The following NRP1 variants were observed in gnomAD, a reference collection of about 807,000 sequenced individuals.
NRP1 encodes neuropilin 1.
Under a neutral mutation model 106.7 loss-of-function variants are expected in NRP1, and 35 were observed. The observed-to-expected ratio is 0.33, with a 90% CI of 0.25 to 0.43. The LOEUF is 0.43. NRP1 is among the 20% of genes least tolerant of loss of function. The pLI is 1.00. For missense variants in NRP1, 1,024 were observed against 1,170.4 expected (o/e 0.87, Z 1.83); for synonymous variants, 437 against 417.9 (o/e 1.05, Z -0.56).
Position 33,270,524 on chromosome 10 carries a change from AC to A in NRP1, c.430+150del, listed in dbSNP as rs1385998036. The stretch of plus-strand genomic sequence containing the variant: ...GTATTTTTAGTGGAGACTGGGTTTC[AC>A]CATGTTGGCCAGGCTGGTCTTGAAT... On this transcript the variant is annotated intron_variant, in intron 3 of 16. Transcript: ENST00000374867. 5 of 550,134 alleles carry A rather than the reference AC, an allele frequency of 9.1e-6. No individual in the cohort carries two copies. The Admixed American group carries it at 1.8e-4, about 20-fold the overall frequency. The allele number at this position is 550,134 out of a possible 1,614,324, so 34.1% of individuals were successfully genotyped here. A position where few individuals can be genotyped will look rare whatever the true frequency, so the allele number is the denominator to read the frequency against.
chr10:33,318,304 A>C (rs1847183967), intron 2 of NRP1, among the ~76,000 whole-genome samples: 1 of 152,192 alleles, frequency 6.6e-6, no homozygotes, highest in African/African-American at 2.4e-5. Context: ...ATCGGGACCC[A>C]GCCCATATGA....
intron 6 of NRP1, among the ~76,000 whole-genome samples, chr10:33,238,367 T>G (rs1040359850): frequency 2.0e-5 from 3 of 152,226 alleles, no homozygotes; most frequent in African/African-American, 7.2e-5. Flanking sequence ...GTTCATGAGT[T>G]CAGAGCATGA....
chr10:33,224,432 C>T (rs1247127670), intron 7 of NRP1, among the ~76,000 whole-genome samples: 4 of 151,930 alleles, frequency 2.6e-5, no homozygotes, highest in South Asian at 4.2e-4. Flanking sequence ...GGTCATGTTG[C>T]TATTTTCTTT....
In NRP1 at chr10:33,213,635, T is replaced by C. The variant is rs1388876452; in HGVS notation, c.1365A>G (p.Arg455=). 2 of 1,614,168 alleles carry C rather than the reference T, an allele frequency of 1.2e-6. No homozygotes were observed. Among genetic ancestry groups the C allele is most frequent in the East Asian group, 4.5e-5 (2 of 44,872 alleles). ...GGCGGATGTTTTCAGGCATCCAGTT[T>C]CTGTCCCCTTGGTTGGATGATGTGA... The part of the protein sequence containing the change: ...SQITSSNQGD[R]NWMPENIRLV... Residue 455 remains arginine (R), a synonymous_variant, in exon 9 of 17, where the codon AGA becomes AGG. Transcript: ENST00000374867.
chr10:33,263,870 G>A lies in NRP1; in HGVS notation c.434C>T (p.Pro145Leu). 2 of 1,595,164 alleles carry A rather than the reference G, an allele frequency of 1.3e-6. No individual in the cohort carries two copies. Among genetic ancestry groups the A allele is most frequent in the Non-Finnish European group, 8.6e-7 (1 of 1,163,034 alleles). Reference sequence around the variant, plus strand: ...TGTTGTGTAGTTCTGGGAACATTCAGGACCTATGAGTAGAAGAGAAAAAGG... The same window carrying A: ...TGTTGTGTAGTTCTGGGAACATTCAAGACCTATGAGTAGAAGAGAAAAAGG... ...SIRYEIFKRGPECSQNYTTPS... is the reference protein window; with the variant it reads ...SIRYEIFKRGLECSQNYTTPS... The change falls in exon 4 of 17, where the codon CCT becomes CTT. Residue 145 changes from proline (P) to leucine (L), a missense_variant. Pro to Leu is a moderately conservative substitution (Grantham distance 98). Around this residue, in one of 5 missense-constraint regions of NRP1, gnomAD observed 279 missense variants for 327.4 expected, o/e 0.85. Transcript: ENST00000374867.
chr10:33,246,607 C>CACACAT (rs1841449528), intron 6 of NRP1, among the ~76,000 whole-genome samples: 1 of 151,914 alleles, frequency 6.6e-6, no homozygotes, highest in Admixed American at 6.6e-5. Flanking sequence ...CACACACACA[C>CACACAT]ACAGAGCACA....
intron 8 of NRP1, among the ~76,000 whole-genome samples, chr10:33,219,711 A>C (rs1839074653): frequency 6.6e-6 from 1 of 152,048 alleles, no homozygotes; most frequent in Non-Finnish European, 1.5e-5. Flanking sequence ...TTTAGGTATA[A>C]AAAAAATTGT....
At chr10:33,302,202 A>G (rs2057312051) in intron 2 of NRP1, among the ~76,000 whole-genome samples, 1 of 152,214 alleles carries the variant, frequency 6.6e-6, no homozygotes, top group African/African-American at 2.4e-5. Context: ...AACTAGACGC[A>G]TTTTAATGTC....
chr10:33,242,504 T>G (rs917398111), intron 6 of NRP1, among the ~76,000 whole-genome samples: 3 of 152,236 alleles, frequency 2.0e-5, no homozygotes, highest in African/African-American at 7.2e-5. Flanking sequence ...AAATTCTGCA[T>G]GTTACACCCC....
chr10:33,318,981 T>C (rs1419183484), intron 2 of NRP1, among the ~76,000 whole-genome samples: 2 of 149,134 alleles, frequency 1.3e-5, no homozygotes, highest in Non-Finnish European at 3.0e-5. Flanking sequence ...AGTGGGGACT[T>C]AGAGAACTTT....
chr10:33,216,864 G>A (rs1005405833), intron 8 of NRP1, among the ~76,000 whole-genome samples: 1 of 152,044 alleles, frequency 6.6e-6, no homozygotes, highest in Non-Finnish European at 1.5e-5. Context: ...TTCATGCCCT[G>A]TTTTATACAT....
intron 11 of NRP1, among the ~76,000 whole-genome samples, chr10:33,200,154 T>C (rs909148189): frequency 2.6e-5 from 4 of 152,178 alleles, no homozygotes; most frequent in African/African-American, 9.7e-5. Flanking sequence ...CCAGTGGTCT[T>C]ATAGGAGAAA....
chr10:33,211,502 G>A (rs1481414572), intron 9 of NRP1: 1 of 152,238 alleles, frequency 6.6e-6, no homozygotes. Context: ...TAGCTGCACA[G>A]AGAGATAAAT....
intron 2 of NRP1, among the ~76,000 whole-genome samples, chr10:33,272,583 C>T (rs1418073509): frequency 6.6e-6 from 1 of 152,112 alleles, no homozygotes; most frequent in Non-Finnish European, 1.5e-5. Context: ...AAAATCCTAA[C>T]TAGCCTTTAT....
At chr10:33,193,605 C>CAAAAATAAG (rs1431079099) in intron 12 of NRP1, among the ~76,000 whole-genome samples, 1 of 152,176 alleles carries the variant, frequency 6.6e-6, no homozygotes, top group Non-Finnish European at 1.5e-5. Flanking sequence ...TCAAAAGAAT[C>CAAAAATAAG]CCTATGAACA....
intron 12 of NRP1, 68 bp downstream of exon 12, chr10:33,197,582 C>G: frequency 8.0e-7 from 1 of 1,248,002 alleles, no homozygotes; most frequent in Non-Finnish European, 1.1e-6. Context: ...AAACTGAAAG[C>G]GAGGAGCGCA....
chr10:33,204,433 T>C (rs1373377492), intron 10 of NRP1, among the ~76,000 whole-genome samples: 1 of 152,234 alleles, frequency 6.6e-6, no homozygotes, highest in East Asian at 1.9e-4. Context: ...AATTCTGGCC[T>C]GTATTTATTG....
rs1315579669 is a variant in NRP1 at position 33,202,988 on chromosome 10, T to C, written c.1767A>G (p.Thr589=). The part of the protein sequence containing the change: ...ELLGCEVEAP[T]AGPTTPNGNL... The stretch of plus-strand genomic sequence containing the variant: ...TCCCGTTGGGAGTGGTCGGTCCAGC[T>C]GTAGGGGCTGAAACAAGATCCAAGG... Residue 589 remains threonine (T), a synonymous_variant, in exon 11 of 17, where the codon ACA becomes ACG. Transcript: ENST00000374867. The C allele has an allele frequency of 6.2e-7, 1 of 1,612,314 alleles. No homozygotes were observed. Among genetic ancestry groups the C allele is most frequent in the South Asian group, 1.1e-5 (1 of 90,776 alleles).
chr10:33,195,877 T>C lies in NRP1; in HGVS notation c.1924+1773A>G, dbSNP rs534348738. Among the ~76,000 whole-genome samples, 100 of 152,286 alleles carry C rather than the reference T, an allele frequency of 6.6e-4. 2 individuals are homozygous for C. The South Asian group carries it at 0.021, about 31-fold the overall frequency. ...AATGCAAACCGGACCTGACCACCCC[T>C]GATCAGTAGACCCGCGTGGTTTGGA... On this transcript the variant is annotated intron_variant, in intron 12 of 16. Coordinates refer to ENST00000374867, the MANE Select transcript of NRP1 (RefSeq NM_003873.7).
Sources: allele counts gnomAD v4.1 joint callset (sites outside exome capture counted in the v4.1 genomes callset), GRCh38; gene constraint gnomAD v4.1.1; regional missense constraint gnomAD v4.1.1; transcripts MANE v1.5; gene names NCBI Gene and HGNC (gene_info 2026-07-23, HGNC 2026-07-21).